Variants in CDK18 observed in about 807,000 individuals in gnomAD.
CDK18 encodes the protein cyclin-dependent kinase 18.
In CDK18, 52 loss-of-function variants were observed where a neutral mutation model predicts 62.0. That is an observed-to-expected ratio of 0.84 (90% CI 0.67 to 1.06). The LOEUF is 1.06. Among genes scored for constraint, CDK18 ranks in the 50% least tolerant of loss-of-function variants. The probability of loss-of-function intolerance (pLI) is 0.00; values close to 1 mark genes in which losing one functional copy is unlikely to be tolerated. For synonymous variants in CDK18, 237 were observed against 247.0 expected, an observed-to-expected ratio of 0.96 and a Z score of 0.38; for missense variants, 604 against 619.9, an observed-to-expected ratio of 0.97 and a Z score of 0.27.
At chr1:205,512,209 G>A (rs1399855712) in intron 1 of CDK18, among the ~76,000 whole-genome samples, 3 of 152,208 alleles carry the variant, frequency 2.0e-5, no homozygotes, top group African/African-American at 7.2e-5. Flanking sequence ...TCCACTTCGG[G>A]AGGGGATGAG....
At position 205,527,479 on chromosome 1, in the gene CDK18, TAAAAG is replaced by T; in HGVS notation, c.730-310_730-306del. ...GGGTGACAGAGTAAAACCCTGACTC[TAAAAG>T]AAAAAAAAAAAAAAAAGGGATCAAG... On this transcript the variant is annotated intron_variant, in intron 8 of 15. Transcript: ENST00000429964. The surrounding 1 kb of genome is among the most constrained non-coding windows in gnomAD (Gnocchi z 4.1). 1 of 206,408 alleles carries T rather than the reference TAAAAG, an allele frequency of 4.8e-6. No homozygotes were observed. Among genetic ancestry groups the T allele is most frequent in the Non-Finnish European group, 8.8e-6 (1 of 113,772 alleles). The allele number at this position is 206,408 out of a possible 1,614,324, so 12.8% of individuals were successfully genotyped here. A position where few individuals can be genotyped will look rare whatever the true frequency, so the allele number is the denominator to read the frequency against.
intron 13 of CDK18, chr1:205,529,895 T>A: frequency 7.3e-7 from 1 of 1,361,108 alleles, no homozygotes; most frequent in Non-Finnish European, 9.6e-7. Context: ...GGGACACACT[T>A]AGTGTGGTGC....
intron 1 of CDK18, among the ~76,000 whole-genome samples, chr1:205,505,426 T>TTC (rs1374570006): frequency 6.7e-6 from 1 of 149,934 alleles, no homozygotes; most frequent in Admixed American, 6.7e-5. Context: ...ATGCTGCTGC[T>TTC]TCTCTCTTTC....
intron 1 of CDK18, among the ~76,000 whole-genome samples, chr1:205,521,970 C>A (rs1281809637): frequency 6.6e-6 from 1 of 152,192 alleles, no homozygotes; most frequent in African/African-American, 2.4e-5. Flanking sequence ...GGCTCACCCC[C>A]TGGTGCCTTC....
intron 1 of CDK18, among the ~76,000 whole-genome samples, chr1:205,505,496 G>C (rs1667263844): frequency 6.6e-6 from 1 of 152,224 alleles, no homozygotes; most frequent in Non-Finnish European, 1.5e-5. Context: ...GGCGACAGAG[G>C]GTTAATGCAG....
At position 205,526,380 on chromosome 1, in the gene CDK18, G is replaced by A; in HGVS notation, c.585G>A (p.Lys195=). 6.2e-7 allele frequency: 1 copy of A among 1,614,098 alleles called. No individual in the cohort carries two copies. The highest frequency in any genetic ancestry group is 1.3e-5 in the African/African-American group (1 of 75,058). The stretch of plus-strand genomic sequence containing the variant: ...GTCTCCTCACAGTGTCTCTGCTGAA[G>A]AACCTGAAGCACGCCAATATTGTGA... ...CTAIREVSLL[K]NLKHANIVTL... Residue 195 remains lysine, a synonymous_variant, in exon 7 of 16, where the codon AAG becomes AAA. Transcript: ENST00000429964.
chr1:205,528,942 C>T lies in CDK18; in HGVS notation c.975-57C>T, dbSNP rs1668581678. Reference sequence around the variant, plus strand: ...CGTCATTGGTGCCCTGGTGGAGCAGCCCTAGGAAGGGCGGCCGCCCCTGCC... The same window carrying T: ...CGTCATTGGTGCCCTGGTGGAGCAGTCCTAGGAAGGGCGGCCGCCCCTGCC... On this transcript the variant is annotated intron_variant, in intron 10 of 15. Coordinates refer to ENST00000429964, the MANE Select transcript of CDK18 (RefSeq NM_212502.3). The surrounding 1 kb of genome is among the most constrained non-coding windows in gnomAD (Gnocchi z 4.2). 3 of 1,193,954 alleles carry T rather than the reference C, an allele frequency of 2.5e-6. No individual in the cohort carries two copies. The Admixed American group carries it at 6.2e-5, about 25-fold the overall frequency. 74.0% of individuals were successfully genotyped at this position (1,193,954 alleles called of 1,614,324 possible).
chr1:205,513,002 G>A (rs1667639784), intron 1 of CDK18, among the ~76,000 whole-genome samples: 1 of 152,212 alleles, frequency 6.6e-6, no homozygotes, highest in African/African-American at 2.4e-5. Context: ...ATATCTGGCT[G>A]AGAGAGGGCT....
chr1:205,507,794 CAGCCCCATCAGGCCA>C (rs1256384295), intron 1 of CDK18, among the ~76,000 whole-genome samples: 1 of 152,176 alleles, frequency 6.6e-6, no homozygotes, highest in East Asian at 1.9e-4. Context: ...TAGATTTTCC[CAGCCCCATCAGGCCA>C]AGCCCTTAGT....
intron 1 of CDK18, among the ~76,000 whole-genome samples, chr1:205,511,155 A>T (rs1309045264): frequency 6.6e-6 from 1 of 152,248 alleles, no homozygotes; most frequent in African/African-American, 2.4e-5. Flanking sequence ...GCTAAGAATG[A>T]TTTTTACATT....
Position 205,527,638 on chromosome 1 carries a change from G to A in CDK18, c.730-156G>A. The A allele has an allele frequency of 8.5e-6, 6 of 708,428 alleles. No homozygotes were observed. In the South Asian group the frequency reaches 8.9e-5, roughly 11 times the overall value. 43.9% of individuals were successfully genotyped at this position (708,428 alleles called of 1,614,324 possible). A position where few individuals can be genotyped will look rare whatever the true frequency, so the allele number is the denominator to read the frequency against. On this transcript the variant is annotated intron_variant, in intron 8 of 15. Coordinates refer to ENST00000429964, the MANE Select transcript of CDK18 (RefSeq NM_212502.3). The surrounding 1 kb of genome is among the most constrained non-coding windows in gnomAD (Gnocchi z 4.1). ...TCCCCTCTGGATGGGATTCCCTGGT[G>A]TGGGTGGGGTCCAGGATGGGGGCTG... is the stretch of plus-strand genomic sequence containing the variant.
In CDK18 at chr1:205,530,682, G is replaced by A. The variant is rs575337018; in HGVS notation, c.1367G>A (p.Arg456Gln). 18 of 1,613,812 alleles carry A rather than the reference G, an allele frequency of 1.1e-5. No individual in the cohort carries two copies. The South Asian group carries it at 1.2e-4, about 11-fold the overall frequency. Reference sequence around the variant, plus strand: ...CAGCTCCAGAAGGACCCAGGCTACCGAGGCTTGGCCTTCCAGCAGCCAGGT... The same window carrying A: ...CAGCTCCAGAAGGACCCAGGCTACCAAGGCTTGGCCTTCCAGCAGCCAGGT... ...EIQLQKDPGYRGLAFQQPGRG... is the reference protein window; with the variant it reads ...EIQLQKDPGYQGLAFQQPGRG... The change falls in exon 15 of 16, where the codon CGA becomes CAA. Residue 456 changes from arginine (R) to glutamine (Q), a missense_variant. Transcript: ENST00000429964.
At chr1:205,518,163 C>G (rs1381285553) in intron 1 of CDK18, among the ~76,000 whole-genome samples, 1 of 152,184 alleles carries the variant, frequency 6.6e-6, no homozygotes, top group Non-Finnish European at 1.5e-5. Flanking sequence ...CTTAAACTTG[C>G]AACTGCACTT....
chr1:205,506,901 G>A (rs573521998), intron 1 of CDK18, among the ~76,000 whole-genome samples: 27 of 152,334 alleles, frequency 1.8e-4, no homozygotes, highest in Admixed American at 1.6e-3. Flanking sequence ...AGATCTCGTG[G>A]GATCAGGTTG....
At chr1:205,522,250 T>C (rs1668166564) in intron 1 of CDK18, among the ~76,000 whole-genome samples, 2 of 151,904 alleles carry the variant, frequency 1.3e-5, no homozygotes, top group African/African-American at 2.4e-5. Flanking sequence ...GCTTTCATGG[T>C]TGGGGACAGG....
rs748434765 is a variant in CDK18 at position 205,531,361 on chromosome 1, C to T, written c.1408C>T (p.Arg470Trp). The change falls in exon 16 of 16, where the codon CGG becomes TGG. Residue 470 changes from arginine (R) to tryptophan (W), a missense_variant. Physicochemically the swap from Arg to Trp is moderately radical, Grantham distance 101. Transcript: ENST00000429964. ...TTCTCCAGGACGAGGGAAGAACAGG[C>T]GGCAGAGCATCTTCTGAGCCACGCC... ...FQQPGRGKNR[R>W]QSIF 10 of 1,613,956 alleles carry T rather than the reference C, an allele frequency of 6.2e-6. No individual in the cohort carries two copies. The highest frequency in any genetic ancestry group is 3.3e-5 in the Admixed American group (2 of 60,006).
chr1:205,512,778 T>G (rs758559140), intron 1 of CDK18, among the ~76,000 whole-genome samples: 1 of 152,108 alleles, frequency 6.6e-6, no homozygotes, highest in Non-Finnish European at 1.5e-5. Context: ...CTGGGCGGCG[T>G]GGGCCAGCTG....
chr1:205,530,427 A>C, intron 14 of CDK18, 78 bp downstream of exon 14: 1 of 1,475,030 alleles, frequency 6.8e-7, no homozygotes, highest in Non-Finnish European at 9.4e-7. Flanking sequence ...AAGAACCAGA[A>C]CAAAGAGGCC....
chr1:205,505,401 G>T (rs1252359911), intron 1 of CDK18, among the ~76,000 whole-genome samples: 1 of 152,116 alleles, frequency 6.6e-6, no homozygotes, highest in Non-Finnish European at 1.5e-5. Flanking sequence ...TCTGGGGGAG[G>T]CAGGGGTCTG....
Sources: allele counts gnomAD v4.1 joint callset (sites outside exome capture counted in the v4.1 genomes callset), GRCh38; gene constraint gnomAD v4.1.1; non-coding constraint Gnocchi (gnomAD v3.1); transcripts MANE v1.5; gene names NCBI Gene and HGNC (gene_info 2026-07-23, HGNC 2026-07-21).